Variants in TRIM27 observed in about 807,000 individuals in gnomAD.
TRIM27 encodes zinc finger protein RFP.
A neutral mutation model predicts 57.6 loss-of-function variants in TRIM27; 12 were observed. That is an observed-to-expected ratio of 0.21 (90% CI 0.13 to 0.34). The LOEUF (loss-of-function observed/expected upper bound fraction) is 0.34. Ranked by LOEUF, TRIM27 falls within the 10% of genes least tolerant of loss-of-function variation. TRIM27 has a pLI of 1.00. For synonymous variants in TRIM27, 266 were observed against 259.0 expected (o/e 1.03, Z -0.26); for missense variants, 403 against 656.8 (o/e 0.61, Z 4.22).
chr6:28,923,507 G>A lies in TRIM27; in HGVS notation c.126C>T (p.Arg42=). 3 of 1,612,090 alleles carry A rather than the reference G, an allele frequency of 1.9e-6. No individual in the cohort carries two copies. The highest frequency in any genetic ancestry group is 2.5e-6 in the Non-Finnish European group (3 of 1,179,658). ...CGTTAGTCTCTGCCGTGCCCCAGCA[G>A]CGGGCGAGGCACGCGCAACAGATGT... is the stretch of plus-strand genomic sequence containing the variant. ...GHNICCACLA[R]CWGTAETNVS... Residue 42 remains arginine, a synonymous_variant, in exon 1 of 8, where the codon CGC becomes CGT. Coordinates refer to ENST00000377199, the MANE Select transcript of TRIM27 (RefSeq NM_006510.5).
intron 6 of TRIM27, 182 bp downstream of exon 6, chr6:28,908,626 C>T: frequency 1.7e-6 from 1 of 584,728 alleles, no homozygotes; most frequent in Non-Finnish European, 3.0e-6. Flanking sequence ...AGTTAACAAA[C>T]TTCAAATTAG....
At chr6:28,914,464 T>A (rs892739030) in intron 3 of TRIM27, among the ~76,000 whole-genome samples, 4 of 151,202 alleles carry the variant, frequency 2.6e-5, no homozygotes, top group Non-Finnish European at 1.5e-5. Context: ...CATAATAATA[T>A]GTGCTTATTT....
intron 4 of TRIM27, 119 bp downstream of exon 4, chr6:28,911,577 T>C: frequency 3.1e-6 from 3 of 973,262 alleles, no homozygotes; most frequent in Admixed American, 2.2e-5. Context: ...TCTTCAGGGA[T>C]ATGTGTCAAT....
chr6:28,908,498 C>A, intron 6 of TRIM27: 1 of 379,424 alleles, frequency 2.6e-6, no homozygotes, highest in South Asian at 4.6e-5. Flanking sequence ...GAAACGTATC[C>A]AAGGTAGTTT....
At position 28,909,076 on chromosome 6, in the gene TRIM27, G is replaced by A; in HGVS notation, c.783C>T (p.Ile261=). 1 of 1,605,646 alleles carries A rather than the reference G, an allele frequency of 6.2e-7. No individual in the cohort carries two copies. Among genetic ancestry groups the A allele is most frequent in the Non-Finnish European group, 8.5e-7 (1 of 1,177,334 alleles). The change falls in exon 5 of 8, where the codon ATC becomes ATT. Residue 261 remains isoleucine (I), a synonymous_variant. Coordinates refer to ENST00000377199, the MANE Select transcript of TRIM27 (RefSeq NM_006510.5). ...IGDTLSRAER[I]RIPEPWITPP... ...GTGTGATCCAAGGTTCAGGAATCCTGATTCTTTCAGCCCTAAATTTAAAAA... is the reference window on the plus strand; with the variant it reads ...GTGTGATCCAAGGTTCAGGAATCCTAATTCTTTCAGCCCTAAATTTAAAAA...
At chr6:28,911,339 G>GAAAAA in intron 4 of TRIM27, 1 of 188,910 alleles carries the variant, frequency 5.3e-6, no homozygotes. Context: ...CCCCATTACA[G>GAAAAA]AAAAAAAAAA....
Position 28,904,441 on chromosome 6 carries a change from A to C in TRIM27, c.1171T>G (p.Ser391Ala). 6.2e-7 allele frequency: 1 copy of C among 1,613,056 alleles called. No individual in the cohort carries two copies. Among genetic ancestry groups the C allele is most frequent in the Non-Finnish European group, 8.5e-7 (1 of 1,180,022 alleles). Residue 391 changes from serine (S) to alanine (A), a missense_variant, in exon 8 of 8, where the codon TCA (serine) becomes GCA (alanine). Ser to Ala is a moderately conservative substitution (Grantham distance 99). Coordinates refer to ENST00000377199, the MANE Select transcript of TRIM27 (RefSeq NM_006510.5). The surrounding 1 kb of genome is among the most constrained non-coding windows in gnomAD (Gnocchi z 6.1). ...AKWTIGVCED[S>A]VCRKGGVTSA... ...GTTACTCCACCTTTTCTGCACACTG[A>C]GTCTTCACAGACACCTATGGTCCAC...
rs773264917 is a variant in TRIM27 at position 28,907,220 on chromosome 6, G to C, written c.946+16C>G. ...TTACTCCTTACCCTAATATGGTTTT[G>C]TCTCTCATCACCTACCTGAGTATAA... On this transcript the variant is annotated intron_variant, in intron 7 of 7. Coordinates refer to ENST00000377199, the MANE Select transcript of TRIM27 (RefSeq NM_006510.5). 6.2e-7 allele frequency: 1 copy of C among 1,607,420 alleles called. No homozygotes were observed. The highest frequency in any genetic ancestry group is 8.5e-7 in the Non-Finnish European group (1 of 1,177,902).
intron 3 of TRIM27, among the ~76,000 whole-genome samples, chr6:28,918,777 G>C (rs1406106374): frequency 2.6e-5 from 4 of 151,966 alleles, no homozygotes. Flanking sequence ...TCAGGAGGTT[G>C]AGGCAGGAGA....
chr6:28,911,206 C>G (rs1214501081), intron 4 of TRIM27: 1 of 117,180 alleles, frequency 8.5e-6, no homozygotes, highest in African/African-American at 4.1e-5. Context: ...AGTTCTTCCT[C>G]ACTTTTTTTT....
chr6:28,921,864 A>G (rs779138624), intron 2 of TRIM27, 28 bp downstream of exon 2: 1 of 1,572,340 alleles, frequency 6.4e-7, no homozygotes, highest in Non-Finnish European at 8.7e-7. Context: ...CACCAGCAGA[A>G]CCAACTGTGA....
intron 1 of TRIM27, among the ~76,000 whole-genome samples, chr6:28,922,220 G>T (rs1328096431): frequency 6.6e-6 from 1 of 152,140 alleles, no homozygotes; most frequent in African/African-American, 2.4e-5. Context: ...CAGCTACCTC[G>T]TCAGGACTAT....
chr6:28,914,455 A>C (rs1379352644), intron 3 of TRIM27, among the ~76,000 whole-genome samples: 1 of 151,758 alleles, frequency 6.6e-6, no homozygotes, highest in Non-Finnish European at 1.5e-5. Flanking sequence ...AAATAAGCAC[A>C]TAATAATATG....
chr6:28,919,914 G>T, intron 3 of TRIM27, 98 bp downstream of exon 3: 1 of 1,155,432 alleles, frequency 8.7e-7, no homozygotes, highest in Non-Finnish European at 1.2e-6. Context: ...TTCCTGCAGA[G>T]TTAAAAAGAA....
chr6:28,904,609 G>C lies in TRIM27; in HGVS notation c.1003C>G (p.Leu335Val). 6.2e-7 allele frequency: 1 copy of C among 1,603,436 alleles called. No homozygotes were observed. The highest frequency in any genetic ancestry group is 8.5e-7 in the Non-Finnish European group (1 of 1,179,960). Residue 335 changes from leucine (L) to valine (V), a missense_variant, in exon 8 of 8, where the codon CTG becomes GTG. Transcript: ENST00000377199. This position sits in a 1 kb window ranked among gnomAD's most constrained non-coding sequence, Gnocchi z 6.1. ...AYPSLILSDN[L>V]RQVRYSYLQQ... is the part of the protein sequence containing the mutation. ...AGGTAACTGTACCGCACTTGCCGCA[G>C]ATTATCAGAGAGGATCAGGCTGGGG...
At chr6:28,922,019 A>G (rs374864956) in intron 1 of TRIM27, 32 bp from the exon 2 acceptor site, 1 of 1,502,826 alleles carries the variant, frequency 6.7e-7, no homozygotes, top group African/African-American at 1.4e-5. Flanking sequence ...GGCAGTTCAA[A>G]ATTAGGTAGA....
chr6:28,904,977 G>A lies in TRIM27; in HGVS notation c.947-312C>T. The stretch of plus-strand genomic sequence containing the variant: ...GCCTAGGCTGGAGCGCAGTGGTGTG[G>A]TCATAGTTCATTGTAACCCCAAACT... On this transcript the variant is annotated intron_variant, in intron 7 of 7. Transcript: ENST00000377199. This position sits in a 1 kb window ranked among gnomAD's most constrained non-coding sequence, Gnocchi z 6.1. The A allele has an allele frequency of 2.9e-6, 1 of 343,406 alleles. No individual in the cohort carries two copies. The highest frequency in any genetic ancestry group is 5.3e-6 in the Non-Finnish European group (1 of 188,008). 21.3% of individuals were successfully genotyped at this position (343,406 alleles called of 1,614,324 possible).
At position 28,903,991 on chromosome 6, in the gene TRIM27, G is replaced by T; in HGVS notation, c.*79C>A. ...ATGGTAAGGATACCCAGCTGTGACAGGACGTGGCAAGGCAACAAGATGCCT... is the reference window on the plus strand; with the variant it reads ...ATGGTAAGGATACCCAGCTGTGACATGACGTGGCAAGGCAACAAGATGCCT... On this transcript the variant is annotated 3_prime_UTR_variant, in exon 8 of 8. Coordinates refer to ENST00000377199, the MANE Select transcript of TRIM27 (RefSeq NM_006510.5). The T allele has an allele frequency of 8.5e-7, 1 of 1,178,010 alleles. No homozygotes were observed. Among genetic ancestry groups the T allele is most frequent in the Non-Finnish European group, 1.2e-6 (1 of 810,772 alleles). The allele number at this position is 1,178,010 out of a possible 1,614,324, so 73.0% of individuals were successfully genotyped here.
intron 3 of TRIM27, among the ~76,000 whole-genome samples, chr6:28,913,994 G>T (rs1773411958): frequency 6.9e-6 from 1 of 144,276 alleles, no homozygotes; most frequent in Non-Finnish European, 1.5e-5. Flanking sequence ...CTCCCTCAGA[G>T]CTCTTCTTTC....
Sources: allele counts gnomAD v4.1 joint callset (sites outside exome capture counted in the v4.1 genomes callset), GRCh38; gene constraint gnomAD v4.1.1; non-coding constraint Gnocchi (gnomAD v3.1); transcripts MANE v1.5; gene names NCBI Gene and HGNC (gene_info 2026-07-23, HGNC 2026-07-21).